The following KIF7 variants were observed in gnomAD, a reference collection of about 807,000 sequenced individuals.
KIF7 encodes kinesin family member 7, also known as kinesin-like protein KIF7.
A neutral mutation model predicts 135.7 loss-of-function variants in KIF7; 104 were observed. The ratio of observed to expected loss-of-function variants is 0.77; its 90% confidence interval spans 0.65 to 0.90. KIF7 has a LOEUF of 0.90. KIF7 is among the 40% of genes least tolerant of loss of function. The pLI is 0.00. For missense variants in KIF7, 2,005 were observed against 1,839.1 expected (o/e 1.09, Z -1.65); for synonymous variants, 883 against 809.4 (o/e 1.09, Z -1.54).
At chr15:89,657,310 C>CAAA (rs369464990), upstream of KIF7, among the ~76,000 whole-genome samples, 1,043 of 98,540 alleles carry the variant, frequency 0.011, 40 homozygotes, top group African/African-American at 0.037. Flanking sequence ...GACCCTGTCT[C>CAAA]AAAAAAAAAA....
At chr15:89,659,992 T>C (rs1055710578), upstream of KIF7, among the ~76,000 whole-genome samples, 1 of 151,976 alleles carries the variant, frequency 6.6e-6, no homozygotes, top group African/African-American at 2.4e-5. Context: ...AGGTCAGGAG[T>C]TGGAGACCAG....
chr15:89,655,224 G>A (rs531882448), intron 1 of KIF7, among the ~76,000 whole-genome samples, 175 bp downstream of exon 1: 5 of 152,318 alleles, frequency 3.3e-5, no homozygotes, highest in African/African-American at 1.2e-4. Flanking sequence ...CCAGTCCAAG[G>A]AAGAGCTTCC....
chr15:89,650,775 G>T (rs1007091657), intron 2 of KIF7, among the ~76,000 whole-genome samples: 3 of 151,528 alleles, frequency 2.0e-5, no homozygotes, highest in African/African-American at 7.3e-5. Flanking sequence ...GGGTCTTGCT[G>T]TGTTGCCCAG....
At chr15:89,618,798 A>C (rs1052776898) in intron 1 of KIF7, among the ~76,000 whole-genome samples, 2 of 152,206 alleles carry the variant, frequency 1.3e-5, no homozygotes, top group African/African-American at 4.8e-5. Flanking sequence ...TGTCTATAAA[A>C]AATTTAAAAA....
chr15:89,631,731 G>A (rs1300188576), intron 14 of KIF7, 21 bp from the exon 15 acceptor site: 1 of 1,541,970 alleles, frequency 6.5e-7, no homozygotes, highest in African/African-American at 1.4e-5. Flanking sequence ...AATCACCAGG[G>A]ATTAGAGAAG....
chr15:89,628,782 C>G lies in KIF7; in HGVS notation c.3669G>C (p.Gly1223=), dbSNP rs1963596280. ...GVNAVGHSRG[G]EKRSLCSEGR... is the part of the protein sequence containing the mutation. The stretch of plus-strand genomic sequence containing the variant: ...CCTCCGAGCACAGGCTCCTCTTCTC[C>G]CCACCTGTCATGGAGAGTAACGTGT... Residue 1223 remains glycine (G), a synonymous_variant, in exon 19 of 19, where the codon GGG becomes GGC. Coordinates refer to ENST00000394412, the MANE Select transcript of KIF7 (RefSeq NM_198525.3). 1.9e-6 allele frequency: 3 copies of G among 1,611,920 alleles called. No homozygotes were observed. The African/African-American group carries it at 4.0e-5, about 21-fold the overall frequency.
chr15:89,636,031 C>T (rs1963800173), intron 11 of KIF7, among the ~76,000 whole-genome samples: 1 of 152,058 alleles, frequency 6.6e-6, no homozygotes, highest in East Asian at 1.9e-4. Context: ...ATTCAACATT[C>T]TTAAAGAAAA....
At chr15:89,634,571 G>C (rs1021457340) in intron 11 of KIF7, among the ~76,000 whole-genome samples, 1 of 152,204 alleles carries the variant, frequency 6.6e-6, no homozygotes, top group East Asian at 1.9e-4. Context: ...GTGACAGATG[G>C]CACCTGGAAA....
chr15:89,628,509 C>G lies in KIF7; in HGVS notation c.3942G>C (p.Leu1314=), dbSNP rs776674506. 38 of 1,613,050 alleles carry G rather than the reference C, an allele frequency of 2.4e-5. No individual in the cohort carries two copies. In the Middle Eastern group the frequency reaches 4.9e-4, roughly 21 times the overall value. ...GRVLPVGEAG[L]PWNFGPLSKP... The stretch of plus-strand genomic sequence containing the variant: ...TGGACAAAGGCCCAAAGTTCCAGGG[C>G]AGGCCTGCCTCACCCACAGGAAGCA... Residue 1314 remains leucine (L), a synonymous_variant, in exon 19 of 19, where the codon CTG becomes CTC. Transcript: ENST00000394412.
At chr15:89,636,824 C>T (rs1309687064) in intron 11 of KIF7, among the ~76,000 whole-genome samples, 16 of 148,032 alleles carry the variant, frequency 1.1e-4, no homozygotes, top group South Asian at 2.2e-4. Context: ...CTGCACCAAG[C>T]GGACCTAATA....
chr15:89,655,642 T>G (rs1012971313), upstream of KIF7, among the ~76,000 whole-genome samples: 4 of 152,128 alleles, frequency 2.6e-5, no homozygotes, highest in African/African-American at 9.7e-5. Flanking sequence ...AGCATCCTCA[T>G]GATGGCATCG....
At chr15:89,650,483 T>C (rs1964106770) in intron 2 of KIF7, among the ~76,000 whole-genome samples, 1 of 152,186 alleles carries the variant, frequency 6.6e-6, no homozygotes, top group South Asian at 2.1e-4. Context: ...AACCTCCACC[T>C]TCCGGTTTCA....
chr15:89,626,622 G>T (rs1963532678), downstream of KIF7, among the ~76,000 whole-genome samples: 1 of 152,142 alleles, frequency 6.6e-6, no homozygotes, highest in Non-Finnish European at 1.5e-5. Flanking sequence ...TGGTGGTTCA[G>T]TTCCCTCAAG....
In KIF7 at chr15:89,633,162, C is replaced by T; in HGVS notation, c.2697G>A (p.Val899=). The T allele has an allele frequency of 6.2e-7, 1 of 1,603,980 alleles. No homozygotes were observed. Among genetic ancestry groups the T allele is most frequent in the Non-Finnish European group, 8.5e-7 (1 of 1,179,676 alleles). ...RKRRSGSNGS[V]VSLEQQQKIE... ...CCACCTGCTGCTGTTCCAGGCTGAC[C>T]ACAGAGCCGTTGCTGCCACTGCGCC... The change falls in exon 13 of 19, where the codon GTG becomes GTA. Residue 899 remains valine (V), a synonymous_variant. Transcript: ENST00000394412.
chr15:89,647,529 C>G, intron 6 of KIF7, 67 bp downstream of exon 6: 1 of 1,411,256 alleles, frequency 7.1e-7, no homozygotes, highest in Non-Finnish European at 1.0e-6. Context: ...TCCTGAGAAA[C>G]TCAGCTCTGC....
chr15:89,646,284 C>G (rs928074973), intron 7 of KIF7, among the ~76,000 whole-genome samples: 6 of 152,078 alleles, frequency 3.9e-5, no homozygotes, highest in Non-Finnish European at 1.5e-5. Flanking sequence ...GTGTACAGGT[C>G]ATGTGCACCC....
At position 89,629,453 on chromosome 15, in the gene KIF7, G is replaced by A. The variant is rs773972119; in HGVS notation, c.3439C>T (p.Leu1147=). 2 of 1,609,630 alleles carry A rather than the reference G, an allele frequency of 1.2e-6. No individual in the cohort carries two copies. Among genetic ancestry groups the A allele is most frequent in the Non-Finnish European group, 8.5e-7 (1 of 1,179,966 alleles). The change falls in exon 17 of 19, where the codon CTG becomes TTG. Residue 1147 remains leucine (L), a synonymous_variant. Coordinates refer to ENST00000394412, the MANE Select transcript of KIF7 (RefSeq NM_198525.3). ...AGGGTCAGCTGGCGGTCCATCTCCAGGCGCTGCCGCTCCAGGGCCACCTCC... is the reference window on the plus strand; with the variant it reads ...AGGGTCAGCTGGCGGTCCATCTCCAAGCGCTGCCGCTCCAGGGCCACCTCC... ...WLEVALERQR[L]EMDRQLTLQQ...
chr15:89,630,448 C>A lies in KIF7; in HGVS notation c.3157G>T (p.Asp1053Tyr). Residue 1053 changes from aspartate (D) to tyrosine (Y), a missense_variant, in exon 16 of 19, where the codon GAT becomes TAT. Asp to Tyr is a radical substitution (Grantham distance 160). Coordinates refer to ENST00000394412, the MANE Select transcript of KIF7 (RefSeq NM_198525.3). The part of the protein sequence containing the change: ...FQLDEAIEAL[D>Y]AAIEYKNEAI... ...TCATTCTTATACTCAATGGCAGCAT[C>A]CAGGGCCTCGATGGCCTCATCCAAC... The A allele has an allele frequency of 6.3e-7, 1 of 1,580,684 alleles. No individual in the cohort carries two copies. The highest frequency in any genetic ancestry group is 8.6e-7 in the Non-Finnish European group (1 of 1,162,894).
chr15:89,623,810 C>T (rs369691167), downstream of KIF7: 4 of 1,613,844 alleles, frequency 2.5e-6, no homozygotes, highest in African/African-American at 5.3e-5. Context: ...GGCCATGACT[C>T]ACCATTGGAT....
Sources: gnomAD v4.1 joint callset for allele counts (sites outside exome capture counted in the v4.1 genomes callset) on GRCh38, gnomAD v4.1.1 for gene constraint, MANE v1.5 for transcripts, NCBI Gene and HGNC (gene_info 2026-07-23, HGNC 2026-07-21) for gene names.